Variants in SNX25 observed in about 807,000 individuals in gnomAD.
SNX25 encodes sorting nexin-25.
SNX25 carries 62 observed loss-of-function variants against 113.7 expected under a neutral mutation model. That is an observed-to-expected ratio of 0.55 (90% CI 0.44 to 0.67). SNX25 has a LOEUF of 0.67. Ranked by LOEUF, SNX25 falls within the 30% of genes least tolerant of loss-of-function variation. The pLI is 0.00. For synonymous variants in SNX25, 421 were observed against 436.2 expected (o/e 0.97, Z 0.43); for missense variants, 1,014 against 1,161.0 (o/e 0.87, Z 1.84).
At chr4:185,266,900 T>C (rs1329380737) in intron 4 of SNX25, 69 bp from the exon 5 acceptor site, 2 of 1,459,258 alleles carry the variant, frequency 1.4e-6, no homozygotes, top group South Asian at 1.3e-5. Flanking sequence ...GTCTCAGTTA[T>C]GTGATACATA....
chr4:185,243,871 G>A (rs1744448160), intron 1 of SNX25, among the ~76,000 whole-genome samples: 1 of 152,188 alleles, frequency 6.6e-6, no homozygotes, highest in South Asian at 2.1e-4. Flanking sequence ...TAAAAGTTTT[G>A]AAGGAAGTTA....
upstream of SNX25, among the ~76,000 whole-genome samples, chr4:185,206,551 C>T (rs530350662): frequency 9.1e-4 from 135 of 148,568 alleles, no homozygotes; most frequent in South Asian, 1.5e-3. Flanking sequence ...CCCAGCTACT[C>T]GGGAGGCTGA....
At chr4:185,331,979 G>T (rs73027793) in intron 9 of SNX25, among the ~76,000 whole-genome samples, 395 of 152,350 alleles carry the variant, frequency 2.6e-3, no homozygotes, top group African/African-American at 8.8e-3. Context: ...TGCTGTTGCT[G>T]CTCTTGAATC....
At chr4:185,314,378 TA>T (rs369330509) in intron 7 of SNX25, among the ~76,000 whole-genome samples, 32 of 137,782 alleles carry the variant, frequency 2.3e-4, no homozygotes, top group Admixed American at 1.3e-3. Flanking sequence ...CTAAAATAAC[TA>T]GAAGGAAGGA....
rs577142160 is a variant in SNX25, at chr4:185,306,081, C to T, written c.1163-4554C>T. ...AACAGCCACATAACTCTGGCATGAG[C>T]TGGGTCACGGGGTGTTGTCACACAC... On this transcript the variant is annotated intron_variant, in intron 6 of 18. Coordinates refer to ENST00000652585, the MANE Select transcript of SNX25 (RefSeq NM_001378034.2). Among the ~76,000 whole-genome samples the T allele has an allele frequency of 3.5e-4, 53 of 152,204 alleles. 1 individual carries two copies. Among genetic ancestry groups the T allele is most frequent in the Non-Finnish European group, 6.0e-4 (41 of 68,034 alleles).
At chr4:185,310,957 T>A in intron 7 of SNX25, 141 bp downstream of exon 7, 1 of 833,684 alleles carries the variant, frequency 1.2e-6, no homozygotes, top group Non-Finnish European at 1.8e-6. Flanking sequence ...GCTCTATGAG[T>A]CAAGGAGCTA....
At chr4:185,231,891 ATT>A (rs1475461165) in intron 1 of SNX25, among the ~76,000 whole-genome samples, 1 of 152,100 alleles carries the variant, frequency 6.6e-6, no homozygotes, top group Non-Finnish European at 1.5e-5. Flanking sequence ...ATTGCATTGT[ATT>A]TTTGTCTTTA....
At chr4:185,338,487 C>T (rs2095243923) in intron 10 of SNX25, among the ~76,000 whole-genome samples, 1 of 152,068 alleles carries the variant, frequency 6.6e-6, no homozygotes, top group African/African-American at 2.4e-5. Flanking sequence ...AGGGTTTTGC[C>T]ATGTTGGCCA....
chr4:185,289,819 A>G (rs1326518165), intron 6 of SNX25, among the ~76,000 whole-genome samples: 1 of 152,196 alleles, frequency 6.6e-6, no homozygotes, highest in Non-Finnish European at 1.5e-5. Flanking sequence ...TTCAGTCAGC[A>G]AAATACCTTT....
chr4:185,237,377 C>T (rs1033724315), intron 1 of SNX25, among the ~76,000 whole-genome samples: 1 of 152,132 alleles, frequency 6.6e-6, no homozygotes, highest in African/African-American at 2.4e-5. Flanking sequence ...AGGGAATGTG[C>T]GCTTTCCTCT....
intron 5 of SNX25, among the ~76,000 whole-genome samples, chr4:185,286,093 G>GTTTGT (rs368483904): frequency 0.016 from 2,359 of 151,324 alleles, 63 homozygotes; most frequent in African/African-American, 0.053. Flanking sequence ...CTGTTTTGGG[G>GTTTGT]TTTGTTTTGT....
At chr4:185,251,972 T>G (rs962311336) in intron 2 of SNX25, among the ~76,000 whole-genome samples, 2 of 151,792 alleles carry the variant, frequency 1.3e-5, no homozygotes, top group African/African-American at 4.8e-5. Context: ...TTTTTTTTCT[T>G]TTTTTTTAAC....
At chr4:185,314,568 A>G (rs565803082) in intron 7 of SNX25, among the ~76,000 whole-genome samples, 1 of 152,232 alleles carries the variant, frequency 6.6e-6, no homozygotes, top group Non-Finnish European at 1.5e-5. Context: ...CTGATTCAAA[A>G]AGAAATGGAG....
At chr4:185,330,921 A>G (rs753644921) in intron 9 of SNX25, among the ~76,000 whole-genome samples, 6 of 152,210 alleles carry the variant, frequency 3.9e-5, no homozygotes, top group Non-Finnish European at 7.3e-5. Context: ...TCTGTACTTC[A>G]GAAATTAAGA....
At chr4:185,282,615 C>T (rs1750773899) in intron 5 of SNX25, among the ~76,000 whole-genome samples, 1 of 152,226 alleles carries the variant, frequency 6.6e-6, no homozygotes, top group South Asian at 2.1e-4. Context: ...GAGGTGGCCA[C>T]TCTGAGGAGC....
chr4:185,272,622 C>T (rs1006463032), intron 5 of SNX25, among the ~76,000 whole-genome samples: 2 of 152,130 alleles, frequency 1.3e-5, no homozygotes, highest in Non-Finnish European at 1.5e-5. Flanking sequence ...CCCTGGTGAT[C>T]GTAACGTGCA....
intron 6 of SNX25, among the ~76,000 whole-genome samples, chr4:185,300,828 TATG>T (rs762244879): frequency 1.0e-3 from 101 of 99,528 alleles, no homozygotes; most frequent in Non-Finnish European, 1.5e-3. Context: ...CCTGTGGTAT[TATG>T]ATTATTATGA....
intron 1 of SNX25, among the ~76,000 whole-genome samples, chr4:185,225,355 A>T (rs1019624982): frequency 9.9e-5 from 15 of 151,986 alleles, no homozygotes; most frequent in Admixed American, 6.6e-5. Context: ...CGATCTCCTG[A>T]CCTCGTGATC....
chr4:185,264,337 A>C, intron 3 of SNX25, 101 bp from the exon 4 acceptor site: 1 of 1,150,906 alleles, frequency 8.7e-7, no homozygotes, highest in Non-Finnish European at 1.2e-6. Context: ...GGCAGTTACT[A>C]TAACCAATGT....
Sources: gnomAD v4.1 joint callset for allele counts (sites outside exome capture counted in the v4.1 genomes callset) on GRCh38, gnomAD v4.1.1 for gene constraint, MANE v1.5 for transcripts, NCBI Gene and HGNC (gene_info 2026-07-23, HGNC 2026-07-21) for gene names.